The following LIPH variants were observed in gnomAD, a reference collection of about 807,000 sequenced individuals.
LIPH encodes the protein lipase member H.
Under a neutral mutation model 47.6 loss-of-function variants are expected in LIPH, and 32 were observed. The ratio of observed to expected loss-of-function variants is 0.67; its 90% confidence interval spans 0.51 to 0.90. The LOEUF (loss-of-function observed/expected upper bound fraction) is 0.90. LIPH is among the 40% of genes least tolerant of loss of function. The pLI, the probability that LIPH is intolerant of heterozygous loss-of-function variation, is 0.00. For missense variants in LIPH, 497 were observed against 541.4 expected (o/e 0.92, Z 0.81); for synonymous variants, 190 against 195.6 (o/e 0.97, Z 0.24).
intron 3 of LIPH, among the ~76,000 whole-genome samples, chr3:185,529,171 C>T (rs147737411): frequency 1.2e-4 from 10 of 82,230 alleles, no homozygotes; most frequent in African/African-American, 2.7e-4. Flanking sequence ...AGCGAGACTC[C>T]GTCTCAAAAA....
intron 1 of LIPH, 50 bp downstream of exon 1, chr3:185,552,373 C>T (rs753619967): frequency 7.9e-7 from 1 of 1,272,432 alleles, no homozygotes; most frequent in Non-Finnish European, 1.2e-6. Flanking sequence ...GACAACACAA[C>T]TAATTCTATT....
intron 7 of LIPH, among the ~76,000 whole-genome samples, chr3:185,516,127 C>T (rs1201991042): frequency 2.0e-5 from 3 of 152,006 alleles, no homozygotes; most frequent in Admixed American, 1.3e-4. Context: ...GAACAAGACC[C>T]TGTCTCAAAA....
intron 5 of LIPH, among the ~76,000 whole-genome samples, chr3:185,521,537 G>T (rs1332233022): frequency 6.6e-6 from 1 of 152,176 alleles, no homozygotes; most frequent in Admixed American, 6.5e-5. Context: ...GAGTCATTCA[G>T]ATTCCTGCCA....
In LIPH at chr3:185,548,383, G is replaced by GAA. The variant is rs564071594; in HGVS notation, c.49+4039_49+4040insTT. On this transcript the variant is annotated intron_variant, in intron 1 of 9. Coordinates refer to ENST00000296252, the MANE Select transcript of LIPH (RefSeq NM_139248.3). ...TCGCGCCACTGCACTCCAGCCTGGTGACAGAGCGAGACTCTGTCTCACATA... is the reference window on the plus strand; with the variant it reads ...TCGCGCCACTGCACTCCAGCCTGGTGAAACAGAGCGAGACTCTGTCTCACATA... Among the ~76,000 whole-genome samples, 896 of 148,586 alleles carry GAA rather than the reference G, an allele frequency of 6.0e-3. 6 individuals are homozygous for GAA. Among genetic ancestry groups the GAA allele is most frequent in the African/African-American group, 0.021 (834 of 40,250 alleles).
intron 7 of LIPH, among the ~76,000 whole-genome samples, chr3:185,516,369 AT>A (rs1417131243): frequency 2.6e-5 from 4 of 152,188 alleles, no homozygotes; most frequent in Non-Finnish European, 2.9e-5. Flanking sequence ...GGAGGCAGAG[AT>A]TGCAGTGAGC....
chr3:185,528,222 AAGAGAGAG>A (rs35994579), intron 3 of LIPH, among the ~76,000 whole-genome samples: 25 of 140,660 alleles, frequency 1.8e-4, no homozygotes, highest in South Asian at 4.7e-4. Context: ...CGAAGAAAGA[AAGAGAGAG>A]AGAGAGAGAG....
chr3:185,513,354 A>T (rs1172289841), intron 8 of LIPH, among the ~76,000 whole-genome samples: 1 of 151,712 alleles, frequency 6.6e-6, no homozygotes, highest in African/African-American at 2.4e-5. Context: ...AAAAAAAAAA[A>T]AGATGTAAAT....
intron 3 of LIPH, among the ~76,000 whole-genome samples, chr3:185,532,356 T>G (rs551073663): frequency 6.9e-6 from 1 of 145,394 alleles, no homozygotes; most frequent in African/African-American, 2.6e-5. Context: ...TACAAAAAAA[T>G]TAAAAATTAA....
intron 2 of LIPH, 88 bp downstream of exon 2, chr3:185,534,677 G>A: frequency 2.2e-6 from 3 of 1,382,210 alleles, no homozygotes; most frequent in Non-Finnish European, 3.1e-6. Flanking sequence ...TAGGCCTCCT[G>A]CTCACTGTAG....
At chr3:185,543,210 A>AAAATAAAT (rs558712987) in intron 1 of LIPH, among the ~76,000 whole-genome samples, 5 of 152,176 alleles carry the variant, frequency 3.3e-5, no homozygotes, top group Middle Eastern at 6.8e-3. Flanking sequence ...CTCCATCTCA[A>AAAATAAAT]AAATAAATAA....
At chr3:185,512,171 C>G (rs1273881592) in intron 8 of LIPH, among the ~76,000 whole-genome samples, 1 of 152,100 alleles carries the variant, frequency 6.6e-6, no homozygotes, top group Non-Finnish European at 1.5e-5. Context: ...TGGCTGAGTT[C>G]AAAGTTATGA....
At chr3:185,510,261 A>C (rs540178552) in intron 9 of LIPH, among the ~76,000 whole-genome samples, 1 of 152,212 alleles carries the variant, frequency 6.6e-6, no homozygotes, top group Admixed American at 6.5e-5. Flanking sequence ...TAAACTTTTA[A>C]GAAAAAGGAA....
At chr3:185,518,699 A>C (rs1414709841) in intron 6 of LIPH, among the ~76,000 whole-genome samples, 1 of 151,814 alleles carries the variant, frequency 6.6e-6, no homozygotes, top group Non-Finnish European at 1.5e-5. Context: ...CTTTTTAAGA[A>C]ATTTTTTTTT....
rs896358011 is a variant in LIPH at position 185,507,415 on chromosome 3, T to G, written c.*1375A>C. 3 of 151,548 alleles carry G rather than the reference T, an allele frequency of 2.0e-5. No homozygotes were observed. The highest frequency in any genetic ancestry group is 2.9e-5 in the Non-Finnish European group (2 of 68,012). 9.4% of individuals were successfully genotyped at this position (151,548 alleles called of 1,614,324 possible). On this transcript the variant is annotated 3_prime_UTR_variant, in exon 10 of 10. Coordinates refer to ENST00000296252, the MANE Select transcript of LIPH (RefSeq NM_139248.3). Reference sequence around the variant, plus strand: ...TCATAACAAAGGCTATTTTCACAGATAGCAGTTGAAGGAGCAATCACTTGG... The same window carrying G: ...TCATAACAAAGGCTATTTTCACAGAGAGCAGTTGAAGGAGCAATCACTTGG...
At chr3:185,530,169 C>CCAG (rs1384710582) in intron 3 of LIPH, among the ~76,000 whole-genome samples, 1 of 151,972 alleles carries the variant, frequency 6.6e-6, no homozygotes, top group Non-Finnish European at 1.5e-5. Flanking sequence ...CAAAGTAAGA[C>CCAG]CCTGTCTCAA....
chr3:185,506,329 TC>T lies in LIPH; in HGVS notation c.*2460del, dbSNP rs1388483184. On this transcript the variant is annotated 3_prime_UTR_variant, in exon 10 of 10. Coordinates refer to ENST00000296252, the MANE Select transcript of LIPH (RefSeq NM_139248.3). ...GAAACTTACTGAAATTCATCTCCTC[TC>T]CGGTGAACAAACTTCCTTTCTTTAT... 1 of 152,166 alleles carries T rather than the reference TC, an allele frequency of 6.6e-6. No homozygotes were observed. The highest frequency in any genetic ancestry group is 1.9e-4 in the East Asian group (1 of 5,188). 9.4% of individuals were successfully genotyped at this position (152,166 alleles called of 1,614,324 possible).
rs1720466367 is a variant in LIPH at position 185,535,149 on chromosome 3, G to C, written c.50-17C>G. On this transcript the variant is annotated splice_polypyrimidine_tract_variant and intron_variant, in intron 1 of 9. Transcript: ENST00000296252. ...CTTCTGCGTCTGAAAATAAAAATTAGATGGCATCACGACAGGTCTTTCCTT... is the reference window on the plus strand; with the variant it reads ...CTTCTGCGTCTGAAAATAAAAATTACATGGCATCACGACAGGTCTTTCCTT... 5 of 1,613,048 alleles carry C rather than the reference G, an allele frequency of 3.1e-6. No homozygotes were observed. The highest frequency in any genetic ancestry group is 4.2e-6 in the Non-Finnish European group (5 of 1,179,994).
At chr3:185,545,937 C>T (rs1046301153) in intron 1 of LIPH, among the ~76,000 whole-genome samples, 1 of 151,956 alleles carries the variant, frequency 6.6e-6, no homozygotes, top group Non-Finnish European at 1.5e-5. Flanking sequence ...AGGCAGATCA[C>T]CTGAGGTCAG....
At chr3:185,529,818 A>T (rs1415010818) in intron 3 of LIPH, among the ~76,000 whole-genome samples, 1 of 151,442 alleles carries the variant, frequency 6.6e-6, no homozygotes, top group Non-Finnish European at 1.5e-5. Context: ...TGAGCCCAGA[A>T]GTTCCAGGTT....
Sources: gnomAD v4.1 joint callset for allele counts (sites outside exome capture counted in the v4.1 genomes callset) on GRCh38, gnomAD v4.1.1 for gene constraint, MANE v1.5 for transcripts, NCBI Gene and HGNC (gene_info 2026-07-23, HGNC 2026-07-21) for gene names.